ATP8B4: variants seen among roughly 807,000 people sequenced by gnomAD.
ATP8B4 encodes ATPase phospholipid transporting 8B4 (putative).
In ATP8B4, 133 loss-of-function variants were observed where a neutral mutation model predicts 145.6. The ratio of observed to expected loss-of-function variants is 0.91; its 90% CI spans 0.79 to 1.05. The LOEUF (loss-of-function observed/expected upper bound fraction) is 1.05, where lower values mean the gene tolerates loss of function less well. Ranked by LOEUF, ATP8B4 falls within the 50% of genes least tolerant of loss-of-function variation. ATP8B4 has a pLI of 0.00. For synonymous variants in ATP8B4, 507 were observed against 492.9 expected, an observed-to-expected ratio of 1.03 and a Z score of -0.38; for missense variants, 1,458 against 1,425.2, an observed-to-expected ratio of 1.02 and a Z score of -0.37.
At chr15:50,037,625 A>C (rs921162488) in intron 6 of ATP8B4, among the ~76,000 whole-genome samples, 1 of 152,228 alleles carries the variant, frequency 6.6e-6, no homozygotes, top group Admixed American at 6.5e-5. Context: ...TGCAAAATGC[A>C]TACTTTTAAC....
intron 6 of ATP8B4, among the ~76,000 whole-genome samples, chr15:50,022,718 G>A (rs2049676836): frequency 6.6e-6 from 1 of 152,194 alleles, no homozygotes; most frequent in South Asian, 2.1e-4. Flanking sequence ...GTCAGGTCTG[G>A]GTAAACCTGG....
chr15:50,003,941 G>T (rs1432762572), intron 7 of ATP8B4, among the ~76,000 whole-genome samples: 1 of 152,138 alleles, frequency 6.6e-6, no homozygotes, highest in East Asian at 1.9e-4. Context: ...CTCCTGAGCA[G>T]TGACCCAGCT....
intron 6 of ATP8B4, among the ~76,000 whole-genome samples, chr15:50,023,451 T>G (rs1233008214): frequency 6.6e-6 from 1 of 152,188 alleles, no homozygotes; most frequent in Non-Finnish European, 1.5e-5. Flanking sequence ...ACCACAGTCC[T>G]TTGCATATTT....
chr15:50,010,234 C>A (rs1443420449), intron 7 of ATP8B4, among the ~76,000 whole-genome samples: 1 of 151,944 alleles, frequency 6.6e-6, no homozygotes, highest in Non-Finnish European at 1.5e-5. Context: ...TTAATTTGAA[C>A]TATAGTTAGT....
At chr15:49,995,896 A>T (rs1405965755) in intron 9 of ATP8B4, among the ~76,000 whole-genome samples, 4 of 152,002 alleles carry the variant, frequency 2.6e-5, no homozygotes, top group African/African-American at 9.7e-5. Flanking sequence ...TGGTGCCTAA[A>T]ATCCTACAAT....
intron 14 of ATP8B4, among the ~76,000 whole-genome samples, chr15:49,957,708 T>G (rs2043701047): frequency 6.6e-6 from 1 of 152,004 alleles, no homozygotes; most frequent in Admixed American, 6.6e-5. Context: ...AATGTTAAAT[T>G]GTGTAATTCA....
intron 13 of ATP8B4, among the ~76,000 whole-genome samples, chr15:49,964,225 G>C (rs575872431): frequency 3.3e-5 from 5 of 152,138 alleles, no homozygotes; most frequent in Non-Finnish European, 7.4e-5. Context: ...CTGAGCTAGT[G>C]AGTGAATCTG....
At chr15:50,026,683 T>A (rs1205510633) in intron 6 of ATP8B4, among the ~76,000 whole-genome samples, 2 of 152,222 alleles carry the variant, frequency 1.3e-5, no homozygotes, top group Non-Finnish European at 2.9e-5. Context: ...AAGTCCTTGG[T>A]CCTCAGTCAT....
intron 6 of ATP8B4, among the ~76,000 whole-genome samples, chr15:50,023,806 G>GAAA: frequency 9.3e-6 from 1 of 107,022 alleles, no homozygotes; most frequent in South Asian, 3.0e-4. Context: ...AGAAAAAAAA[G>GAAA]AAAAAAAAAA....
chr15:50,107,874 G>A (rs2056759675), intron 1 of ATP8B4, among the ~76,000 whole-genome samples: 1 of 152,128 alleles, frequency 6.6e-6, no homozygotes, highest in Admixed American at 6.5e-5. Context: ...AAAAGAGGTT[G>A]CAGAGGAAGT....
intron 3 of ATP8B4, among the ~76,000 whole-genome samples, chr15:50,061,966 C>T (rs1377475479): frequency 6.6e-6 from 1 of 152,170 alleles, no homozygotes; most frequent in East Asian, 1.9e-4. Context: ...CATTTTCATA[C>T]TTAACTTTGT....
chr15:50,023,705 T>A (rs1193480210), intron 6 of ATP8B4, among the ~76,000 whole-genome samples: 1 of 142,284 alleles, frequency 7.0e-6, no homozygotes, highest in Non-Finnish European at 1.5e-5. Flanking sequence ...ATGAAAGGTG[T>A]CCCTGGTAAC....
intron 1 of ATP8B4, among the ~76,000 whole-genome samples, chr15:50,130,940 A>G (rs868094046): frequency 6.6e-6 from 1 of 152,128 alleles, no homozygotes; most frequent in African/African-American, 2.4e-5. Context: ...GGTGTAATTG[A>G]CTCACAGTTT....
At chr15:49,947,567 T>C (rs975553195) in intron 14 of ATP8B4, among the ~76,000 whole-genome samples, 43 of 149,392 alleles carry the variant, frequency 2.9e-4, no homozygotes, top group African/African-American at 1.0e-3. Flanking sequence ...AAGTGAACCA[T>C]AGAAATCCCC....
At chr15:50,132,591 C>T (rs1207748227) in intron 1 of ATP8B4, among the ~76,000 whole-genome samples, 1 of 152,096 alleles carries the variant, frequency 6.6e-6, no homozygotes, top group Non-Finnish European at 1.5e-5. Context: ...ACCATTTGAC[C>T]CAGCAATCCC....
intron 11 of ATP8B4, 74 bp from the exon 12 acceptor site, chr15:49,979,887 C>T (rs1274697539): frequency 2.8e-6 from 3 of 1,055,568 alleles, no homozygotes; most frequent in East Asian, 2.4e-5. Flanking sequence ...TCTAATTACG[C>T]ATCTAACTCC....
intron 3 of ATP8B4, among the ~76,000 whole-genome samples, chr15:50,073,816 A>G (rs915370275): frequency 3.3e-5 from 5 of 152,166 alleles, no homozygotes; most frequent in Non-Finnish European, 5.9e-5. Flanking sequence ...AAAAAGGTCC[A>G]TTTTCATATT....
chr15:50,002,809 G>T (rs1348977386), intron 7 of ATP8B4, among the ~76,000 whole-genome samples: 1 of 152,146 alleles, frequency 6.6e-6, no homozygotes, highest in African/African-American at 2.4e-5. Context: ...AGACAGAAGA[G>T]AAAATGTAGT....
At chr15:50,072,009 C>A (rs1297691036) in intron 3 of ATP8B4, among the ~76,000 whole-genome samples, 1 of 149,328 alleles carries the variant, frequency 6.7e-6, no homozygotes, top group Non-Finnish European at 1.5e-5. Flanking sequence ...TAAGCTACCT[C>A]TCCTAAATAT....
Sources: gnomAD v4.1 joint callset for allele counts (sites outside exome capture counted in the v4.1 genomes callset) on GRCh38, gnomAD v4.1.1 for gene constraint, MANE v1.5 for transcripts, NCBI Gene and HGNC (gene_info 2026-07-23, HGNC 2026-07-21) for gene names.